The following SH3GL2 variants were observed in gnomAD, a reference collection of about 807,000 sequenced individuals.
SH3GL2 encodes the protein endophilin-A1.
In SH3GL2, 24 loss-of-function variants were observed where a neutral mutation model predicts 46.0. That is an observed-to-expected ratio of 0.52 (90% CI 0.38 to 0.73). SH3GL2 has a LOEUF of 0.73. Ranked by LOEUF, SH3GL2 falls within the 30% of genes least tolerant of loss-of-function variation. The pLI is 0.00. For missense variants in SH3GL2, 413 were observed against 424.2 expected, an observed-to-expected ratio of 0.97 and a Z score of 0.23; for synonymous variants, 196 against 147.1, an observed-to-expected ratio of 1.33 and a Z score of -2.40.
rs1823865541 is a variant in SH3GL2 at position 17,783,323 on chromosome 9, A to G, written c.188-3058A>G. 2.0e-5 allele frequency among the ~76,000 whole-genome samples: 3 copies of G among 151,692 alleles called. No homozygotes were observed. In the South Asian group the frequency reaches 6.2e-4, roughly 31 times the overall value. ...GTTTTCCTGTTTGTTTGTTTGGATT[A>G]GGAAATAAAAACTAAGATTTAGCAG... On this transcript the variant is annotated intron_variant, in intron 3 of 8. Transcript: ENST00000380607.
At chr9:17,611,772 A>G (rs1339781572) in intron 1 of SH3GL2, among the ~76,000 whole-genome samples, 1 of 152,158 alleles carries the variant, frequency 6.6e-6, no homozygotes, top group East Asian at 1.9e-4. Context: ...AGAGGTGATC[A>G]TTGCCTTGGG....
At chr9:17,647,433 C>G (rs201782845) in intron 1 of SH3GL2, among the ~76,000 whole-genome samples, 1 of 127,588 alleles carries the variant, frequency 7.8e-6, no homozygotes. Context: ...CTCTCTGTCT[C>G]TCTCTCTACC....
intron 1 of SH3GL2, among the ~76,000 whole-genome samples, chr9:17,609,524 A>G (rs1422185167): frequency 6.6e-6 from 1 of 152,138 alleles, no homozygotes; most frequent in Non-Finnish European, 1.5e-5. Context: ...ACCTCCCTGC[A>G]GCTGTAGCCA....
Position 17,748,595 on chromosome 9 carries a change from T to G in SH3GL2, c.114+1461T>G, listed in dbSNP as rs1003302949. Among the ~76,000 whole-genome samples the G allele has an allele frequency of 4.6e-5, 7 of 152,176 alleles. No homozygotes were observed. The South Asian group carries it at 1.2e-3, about 27-fold the overall frequency. ...AAAAAAATCCTAGGTACTTTCTACC[T>G]TGTCTTTTTAGTTTTTCTCTTGGTG... On this transcript the variant is annotated intron_variant, in intron 2 of 8. Transcript: ENST00000380607.
chr9:17,609,959 A>G (rs1818829675), intron 1 of SH3GL2, among the ~76,000 whole-genome samples: 1 of 152,204 alleles, frequency 6.6e-6, no homozygotes, highest in Non-Finnish European at 1.5e-5. Context: ...GAACATTTTA[A>G]TACAAGTGTG....
At chr9:17,761,639 G>A (rs1588311074) in intron 3 of SH3GL2, 130 bp downstream of exon 3, 2 of 767,762 alleles carry the variant, frequency 2.6e-6, no homozygotes, top group East Asian at 4.9e-5. Flanking sequence ...TGAGAGGTTA[G>A]CGACTTCATG....
chr9:17,638,834 G>T (rs193160621), intron 1 of SH3GL2, among the ~76,000 whole-genome samples: 12 of 152,320 alleles, frequency 7.9e-5, no homozygotes, highest in Non-Finnish European at 1.6e-4. Flanking sequence ...CCTTCAGACT[G>T]GGGGAGGGGG....
Position 17,789,564 on chromosome 9 carries a change from G to A in SH3GL2, c.624+14G>A. 1.9e-6 allele frequency: 3 copies of A among 1,612,806 alleles called. No individual in the cohort carries two copies. The highest frequency in any genetic ancestry group is 2.5e-6 in the Non-Finnish European group (3 of 1,179,166). ...TTGGAGATGGATGTAAGTGACTCCT[G>A]TGGTTTTCAATTTAATCTTATCATC... On this transcript the variant is annotated intron_variant, in intron 6 of 8. Transcript: ENST00000380607.
chr9:17,715,343 C>A (rs1033999552), intron 1 of SH3GL2, among the ~76,000 whole-genome samples: 10 of 151,546 alleles, frequency 6.6e-5, no homozygotes, highest in African/African-American at 2.4e-4. Context: ...TTCTTGGATT[C>A]ATCAGTTTGT....
chr9:17,794,203 C>T (rs1037024925), intron 8 of SH3GL2, among the ~76,000 whole-genome samples: 53 of 152,220 alleles, frequency 3.5e-4, no homozygotes, highest in African/African-American at 1.1e-3. Flanking sequence ...GCAGATTACA[C>T]AACAGCCTGT....
intron 1 of SH3GL2, among the ~76,000 whole-genome samples, chr9:17,627,895 G>A (rs1411610615): frequency 2.0e-5 from 3 of 152,184 alleles, no homozygotes; most frequent in Non-Finnish European, 4.4e-5. Context: ...GGTCTGGGAA[G>A]ACTTGGCTTT....
intron 1 of SH3GL2, among the ~76,000 whole-genome samples, chr9:17,715,931 C>G (rs1323090406): frequency 2.0e-5 from 3 of 151,968 alleles, no homozygotes; most frequent in Admixed American, 1.3e-4. Context: ...GAATACTGTA[C>G]TGAAAGTGAA....
intron 1 of SH3GL2, among the ~76,000 whole-genome samples, chr9:17,736,330 T>G (rs1356174707): frequency 6.6e-6 from 1 of 152,128 alleles, no homozygotes; most frequent in East Asian, 1.9e-4. Flanking sequence ...TTTCTGAGTT[T>G]TGTGTAGTTA....
intron 1 of SH3GL2, among the ~76,000 whole-genome samples, chr9:17,676,070 A>G (rs1300868833): frequency 6.6e-6 from 1 of 152,230 alleles, no homozygotes; most frequent in Non-Finnish European, 1.5e-5. Flanking sequence ...AGAGTGAGAG[A>G]AAGCAAAAGA....
chr9:17,679,642 C>T (rs868750366), intron 1 of SH3GL2, among the ~76,000 whole-genome samples: 1 of 152,108 alleles, frequency 6.6e-6, no homozygotes, highest in Non-Finnish European at 1.5e-5. Context: ...CCTGATTGCC[C>T]TGGCCAGAAC....
intron 1 of SH3GL2, among the ~76,000 whole-genome samples, chr9:17,722,319 C>A (rs993213080): frequency 4.6e-5 from 7 of 152,078 alleles, no homozygotes; most frequent in African/African-American, 1.7e-4. Flanking sequence ...TCTGTATATG[C>A]AGTACCAATA....
intron 1 of SH3GL2, among the ~76,000 whole-genome samples, chr9:17,710,434 G>C (rs1169040149): frequency 6.6e-6 from 1 of 151,932 alleles, no homozygotes; most frequent in African/African-American, 2.4e-5. Context: ...TTATGGTCAG[G>C]TATTCCTTCT....
chr9:17,763,697 G>C (rs1207610532), intron 3 of SH3GL2, among the ~76,000 whole-genome samples: 1 of 152,164 alleles, frequency 6.6e-6, no homozygotes, highest in African/African-American at 2.4e-5. Flanking sequence ...TGAAATGACA[G>C]CTCTAGAAAA....
intron 1 of SH3GL2, among the ~76,000 whole-genome samples, chr9:17,644,188 A>T (rs1227107423): frequency 6.6e-6 from 1 of 151,700 alleles, no homozygotes; most frequent in African/African-American, 2.4e-5. Flanking sequence ...TATCCCCTTT[A>T]TATCATTTTT....
Sources: gnomAD v4.1 joint callset for allele counts (sites outside exome capture counted in the v4.1 genomes callset) on GRCh38, gnomAD v4.1.1 for gene constraint, MANE v1.5 for transcripts, NCBI Gene and HGNC (gene_info 2026-07-23, HGNC 2026-07-21) for gene names.